Variants in DYNC2LI1 observed in about 807,000 individuals in gnomAD.
DYNC2LI1 encodes cytoplasmic dynein 2 light intermediate chain 1.
A neutral mutation model predicts 51.9 loss-of-function variants in DYNC2LI1; 45 were observed. That is an observed-to-expected ratio of 0.87 (90% CI 0.68 to 1.11). DYNC2LI1 has a LOEUF of 1.11. Ranked by LOEUF, DYNC2LI1 falls within the 50% of genes most tolerant of loss-of-function variation. The probability of loss-of-function intolerance (pLI) is 0.00; values close to 1 mark genes in which losing one functional copy is unlikely to be tolerated. For missense variants in DYNC2LI1, 490 were observed against 417.4 expected, an observed-to-expected ratio of 1.17 and a Z score of -1.51; for synonymous variants, 130 against 137.8, an observed-to-expected ratio of 0.94 and a Z score of 0.40.
chr2:43,800,731 A>G, intron 8 of DYNC2LI1, 110 bp from the exon 9 acceptor site: 3 of 546,902 alleles, frequency 5.5e-6, no homozygotes, highest in East Asian at 3.2e-5. Flanking sequence ...GCTGGGCAAC[A>G]AAACAGTGAT....
At chr2:43,777,741 C>A (rs1342240143) in intron 2 of DYNC2LI1, among the ~76,000 whole-genome samples, 1 of 152,194 alleles carries the variant, frequency 6.6e-6, no homozygotes, top group African/African-American at 2.4e-5. Flanking sequence ...CCTGAGCACC[C>A]GTCTTGTCTC....
chr2:43,791,714 C>A (rs144120398), intron 5 of DYNC2LI1, among the ~76,000 whole-genome samples: 5 of 152,304 alleles, frequency 3.3e-5, no homozygotes, highest in African/African-American at 1.2e-4. Flanking sequence ...AGTCTCACAA[C>A]TTGAGAAAAC....
rs779670617 is a variant in DYNC2LI1 at position 43,787,167 on chromosome 2, C to G, written c.162-14C>G. 14 of 1,600,852 alleles carry G rather than the reference C, an allele frequency of 8.7e-6. No individual in the cohort carries two copies. Among genetic ancestry groups the G allele is most frequent in the Non-Finnish European group, 1.0e-5 (12 of 1,169,198 alleles). The stretch of plus-strand genomic sequence containing the variant: ...CCACCTACAATGATAATACTATCGG[C>G]CTTTATTATACAGAGATGAACCACC... On this transcript the variant is annotated splice_polypyrimidine_tract_variant and intron_variant, in intron 3 of 12. Coordinates refer to ENST00000260605, the MANE Select transcript of DYNC2LI1 (RefSeq NM_016008.4).
At chr2:43,825,371 G>A in the DYNC2LI1 span, among the ~76,000 whole-genome samples, 1 of 152,052 alleles carries the variant, frequency 6.6e-6, no homozygotes, top group Non-Finnish European at 1.5e-5. Context: ...GCAGGGGTGG[G>A]TCTTAGTTTG....
At chr2:43,809,463 T>C (rs976662902) in intron 12 of DYNC2LI1, among the ~76,000 whole-genome samples, 3 of 152,238 alleles carry the variant, frequency 2.0e-5, no homozygotes, top group South Asian at 4.1e-4. Context: ...CATAATTTTG[T>C]CTGAAAGTTT....
chr2:43,775,846 C>A (rs141617425), intron 1 of DYNC2LI1: 5 of 174,776 alleles, frequency 2.9e-5, no homozygotes, highest in East Asian at 2.0e-4. Context: ...CGCCACCACA[C>A]CTGGCCAATT....
At chr2:43,822,819 T>G in the DYNC2LI1 span, 1 of 1,613,966 alleles carries the variant, frequency 6.2e-7, no homozygotes, top group Non-Finnish European at 8.5e-7. Context: ...CTGCTGAAAA[T>G]CATGGTGGCA....
the DYNC2LI1 span, among the ~76,000 whole-genome samples, chr2:43,815,779 G>C: frequency 1.3e-5 from 2 of 152,138 alleles, no homozygotes; most frequent in Non-Finnish European, 2.9e-5. Context: ...AGCCATTTCA[G>C]GGCCTTGCTG....
At chr2:43,826,497 G>T in the DYNC2LI1 span, 12 of 1,614,198 alleles carry the variant, frequency 7.4e-6, no homozygotes, top group Non-Finnish European at 8.5e-6. Flanking sequence ...CAGGCCTGTG[G>T]TTGGCTCATC....
chr2:43,823,944 C>G, the DYNC2LI1 span: 17 of 1,614,162 alleles, frequency 1.1e-5, no homozygotes, highest in Non-Finnish European at 1.4e-5. Context: ...TGCCTGTGTA[C>G]GGGGTGGCGC....
At chr2:43,802,166 T>A (rs1448544932) in intron 10 of DYNC2LI1, among the ~76,000 whole-genome samples, 2 of 152,172 alleles carry the variant, frequency 1.3e-5, no homozygotes, top group Non-Finnish European at 2.9e-5. Context: ...TTTTTTGTTA[T>A]GAAATAGCAT....
the DYNC2LI1 span, among the ~76,000 whole-genome samples, chr2:43,815,827 C>G: frequency 7.5e-5 from 11 of 146,462 alleles, no homozygotes; most frequent in African/African-American, 2.8e-4. Flanking sequence ...AGACAGGTCA[C>G]GTTGAAATCA....
At chr2:43,806,924 T>C (rs1017576674) in intron 12 of DYNC2LI1, among the ~76,000 whole-genome samples, 6 of 152,120 alleles carry the variant, frequency 3.9e-5, no homozygotes, top group Admixed American at 6.6e-5. Context: ...TGAAAAGTTA[T>C]GCTGTCCTAA....
chr2:43,777,648 A>G (rs1400321919), intron 2 of DYNC2LI1, among the ~76,000 whole-genome samples: 1 of 152,214 alleles, frequency 6.6e-6, no homozygotes, highest in Non-Finnish European at 1.5e-5. Flanking sequence ...ACTTAAGCGC[A>G]TTGACAAATA....
At chr2:43,785,235 G>A (rs778659605) in intron 3 of DYNC2LI1, among the ~76,000 whole-genome samples, 20 of 152,116 alleles carry the variant, frequency 1.3e-4, no homozygotes, top group Non-Finnish European at 2.2e-4. Flanking sequence ...AGAGGTTGAG[G>A]CTGCAGTGAG....
At chr2:43,824,849 A>T in the DYNC2LI1 span, 1 of 1,611,128 alleles carries the variant, frequency 6.2e-7, no homozygotes, top group Non-Finnish European at 8.5e-7. Context: ...GAGAAAGTTT[A>T]AAAAACATTC....
At chr2:43,794,968 A>T (rs1673966411) in intron 6 of DYNC2LI1, 4 of 1,241,700 alleles carry the variant, frequency 3.2e-6, no homozygotes, top group Non-Finnish European at 4.0e-6. Context: ...AGATTGTACA[A>T]AAGTCACCTG....
rs1407610395 is a variant in DYNC2LI1, at chr2:43,774,070, C to G, written c.-69C>G. 7 of 1,603,714 alleles carry G rather than the reference C, an allele frequency of 4.4e-6. No homozygotes were observed. Among genetic ancestry groups the G allele is most frequent in the Middle Eastern group, 1.6e-4 (1 of 6,064 alleles). On this transcript the variant is annotated 5_prime_UTR_variant, in exon 1 of 13. Coordinates refer to ENST00000260605, the MANE Select transcript of DYNC2LI1 (RefSeq NM_016008.4). ...CCTCACTCCCAGACTCCTTGCGGAGCTCGCCGCCTGATTCTAGGCTGGTCA... is the reference window on the plus strand; with the variant it reads ...CCTCACTCCCAGACTCCTTGCGGAGGTCGCCGCCTGATTCTAGGCTGGTCA...
chr2:43,813,996 G>A (rs1001057408), downstream of DYNC2LI1, among the ~76,000 whole-genome samples: 8 of 152,046 alleles, frequency 5.3e-5, no homozygotes, highest in African/African-American at 9.7e-5. Context: ...GATTACAGGC[G>A]TGAGCCACTG....
Sources: allele counts gnomAD v4.1 joint callset (sites outside exome capture counted in the v4.1 genomes callset), GRCh38; gene constraint gnomAD v4.1.1; transcripts MANE v1.5; gene names NCBI Gene and HGNC (gene_info 2026-07-23, HGNC 2026-07-21).